Variants in MAP3K4 observed in about 807,000 individuals in gnomAD.
MAP3K4 encodes MAP three kinase 1.
A neutral mutation model predicts 185.6 loss-of-function variants in MAP3K4; 67 were observed. That is an observed-to-expected ratio of 0.36 (90% CI 0.30 to 0.44). The LOEUF (loss-of-function observed/expected upper bound fraction) is 0.44. MAP3K4 is among the 20% of genes least tolerant of loss of function. MAP3K4 has a pLI of 1.00. For missense variants in MAP3K4, 1,551 were observed against 1,995.1 expected, an observed-to-expected ratio of 0.78 and a Z score of 4.24; for synonymous variants, 702 against 710.4, an observed-to-expected ratio of 0.99 and a Z score of 0.19.
Position 161,066,031 on chromosome 6 carries a change from G to A in MAP3K4, c.1708-4577G>A, listed in dbSNP as rs551456247. On this transcript the variant is annotated intron_variant, in intron 3 of 26. Coordinates refer to ENST00000392142, the MANE Select transcript of MAP3K4 (RefSeq NM_005922.4). The stretch of plus-strand genomic sequence containing the variant: ...CAGTGCTCAAAAAGTTTTGGATTTT[G>A]GAGCATTTCAGATTTTGGGTTTTTG... Among the ~76,000 whole-genome samples the A allele has an allele frequency of 5.3e-5, 8 of 151,900 alleles. No homozygotes were observed. The East Asian group carries it at 1.6e-3, about 29-fold the overall frequency.
At chr6:160,998,490 G>A (rs1781109688) in intron 1 of MAP3K4, among the ~76,000 whole-genome samples, 2 of 152,178 alleles carry the variant, frequency 1.3e-5, no homozygotes, top group South Asian at 4.1e-4. Flanking sequence ...TGAAATTGAT[G>A]AGAGTCCATG....
chr6:160,995,643 A>G (rs761263839), intron 1 of MAP3K4, among the ~76,000 whole-genome samples: 48 of 152,248 alleles, frequency 3.2e-4, no homozygotes, highest in Admixed American at 1.4e-3. Flanking sequence ...AGAATTCATG[A>G]TAAGGATAGC....
chr6:161,029,290 T>A (rs1782812493), intron 1 of MAP3K4, among the ~76,000 whole-genome samples: 1 of 152,180 alleles, frequency 6.6e-6, no homozygotes, highest in African/African-American at 2.4e-5. Context: ...GAACCACAGA[T>A]GTTTTCAGAC....
Position 161,091,324 on chromosome 6 carries a change from G to A in MAP3K4, c.2974-55G>A. On this transcript the variant is annotated intron_variant, in intron 11 of 26. Coordinates refer to ENST00000392142, the MANE Select transcript of MAP3K4 (RefSeq NM_005922.4). The surrounding 1 kb of genome is among the most constrained non-coding windows in gnomAD (Gnocchi z 5.5). ...GAACGAAATCTTCCTTTAAAATGTGGTAAGTATTGTATGATTTGCTTCATT... is the reference window on the plus strand; with the variant it reads ...GAACGAAATCTTCCTTTAAAATGTGATAAGTATTGTATGATTTGCTTCATT... 1.4e-6 allele frequency: 2 copies of A among 1,436,774 alleles called. No individual in the cohort carries two copies. The highest frequency in any genetic ancestry group is 9.5e-7 in the Non-Finnish European group (1 of 1,052,308). 89.0% of individuals were successfully genotyped at this position (1,436,774 alleles called of 1,614,324 possible). A position where few individuals can be genotyped will look rare whatever the true frequency, so the allele number is the denominator to read the frequency against.
chr6:161,024,931 G>T (rs11757223), intron 1 of MAP3K4, among the ~76,000 whole-genome samples: 5,828 of 152,162 alleles, frequency 0.038, 150 homozygotes, highest in South Asian at 0.07. Flanking sequence ...ATGTATGTAT[G>T]TATGTACCTG....
In MAP3K4 at chr6:161,101,593, T is replaced by G. The variant is rs886846535; in HGVS notation, c.3675-299T>G. On this transcript the variant is annotated intron_variant, in intron 17 of 26. Coordinates refer to ENST00000392142, the MANE Select transcript of MAP3K4 (RefSeq NM_005922.4). The surrounding 1 kb of genome is among the most constrained non-coding windows in gnomAD (Gnocchi z 5.1). ...GGCTCGGGTGTTGGCTATGGAGAGA[T>G]GAAAATGGAGCCCTCCTTCCAGACT... is the stretch of plus-strand genomic sequence containing the variant. The G allele has an allele frequency of 4.6e-6, 1 of 219,452 alleles. No individual in the cohort carries two copies. The highest frequency in any genetic ancestry group is 8.9e-6 in the Non-Finnish European group (1 of 112,124). 13.6% of individuals were successfully genotyped at this position (219,452 alleles called of 1,614,324 possible).
chr6:161,014,162 T>A lies in MAP3K4; in HGVS notation c.153-20097T>A, dbSNP rs113562827. Among the ~76,000 whole-genome samples, 486 of 152,368 alleles carry A rather than the reference T, an allele frequency of 3.2e-3. 4 individuals carry two copies. Among genetic ancestry groups the A allele is most frequent in the African/African-American group, 0.011 (466 of 41,590 alleles). On this transcript the variant is annotated intron_variant, in intron 1 of 26. Coordinates refer to ENST00000392142, the MANE Select transcript of MAP3K4 (RefSeq NM_005922.4). ...CTGGTTCTTGGCACCTCTTCCTTTA[T>A]GCAAAATGCTCTCATTTTTTGAGAA...
At chr6:161,069,916 A>G (rs1418566791) in intron 3 of MAP3K4, among the ~76,000 whole-genome samples, 1 of 151,852 alleles carries the variant, frequency 6.6e-6, no homozygotes, top group Admixed American at 6.6e-5. Flanking sequence ...TGCTCCCAAC[A>G]TTCCAGATCC....
At chr6:161,026,733 CTTTTT>C (rs553664182) in intron 1 of MAP3K4, among the ~76,000 whole-genome samples, 2 of 96,100 alleles carry the variant, frequency 2.1e-5, no homozygotes, top group South Asian at 3.3e-4. Context: ...GTTCTCTCTC[CTTTTT>C]TTTTTTTTTT....
In MAP3K4 at chr6:161,070,966, G is replaced by A; in HGVS notation, c.1950+116G>A. 1 of 987,404 alleles carries A rather than the reference G, an allele frequency of 1.0e-6. No homozygotes were observed. 61.2% of individuals were successfully genotyped at this position (987,404 alleles called of 1,614,324 possible). A position where few individuals can be genotyped will look rare whatever the true frequency, so the allele number is the denominator to read the frequency against. On this transcript the variant is annotated intron_variant, in intron 4 of 26. Coordinates refer to ENST00000392142, the MANE Select transcript of MAP3K4 (RefSeq NM_005922.4). The surrounding 1 kb of genome is among the most constrained non-coding windows in gnomAD (Gnocchi z 4.5). The stretch of plus-strand genomic sequence containing the variant: ...TTAATTGTCGCAAATAGTGAAAAAT[G>A]ACTGTTTGTCCATGGTTTTAAGCTG...
Position 161,054,022 on chromosome 6 carries a change from AAAG to A in MAP3K4, c.1707+4049_1707+4051del, listed in dbSNP as rs1185378165. Among the ~76,000 whole-genome samples the A allele has an allele frequency of 1.8e-4, 27 of 152,334 alleles. No individual in the cohort carries two copies. The highest frequency in any genetic ancestry group is 5.2e-4 in the Admixed American group (8 of 15,306). ...GAATATAGGTGAAGGATTTTGTAGA[AAAG>A]AAGAAATACACGTGATGTTTGATTT... On this transcript the variant is annotated intron_variant, in intron 3 of 26. Coordinates refer to ENST00000392142, the MANE Select transcript of MAP3K4 (RefSeq NM_005922.4). This position sits in a 1 kb window ranked among gnomAD's most constrained non-coding sequence, Gnocchi z 4.2.
Position 161,105,677 on chromosome 6 carries a change from A to G in MAP3K4, c.3857-837A>G, listed in dbSNP as rs138654117. On this transcript the variant is annotated intron_variant, in intron 19 of 26. Coordinates refer to ENST00000392142, the MANE Select transcript of MAP3K4 (RefSeq NM_005922.4). The stretch of plus-strand genomic sequence containing the variant: ...AGGCAGAGGGAAAGGTGTAAAAGTA[A>G]TGGAAGTGAAAAGTAAAGTAGTTTG... Among the ~76,000 whole-genome samples the G allele has an allele frequency of 1.3e-4, 20 of 152,334 alleles. No homozygotes were observed. In the East Asian group the frequency reaches 3.7e-3, roughly 28 times the overall value.
At chr6:161,009,917 C>G (rs1467570330) in intron 1 of MAP3K4, among the ~76,000 whole-genome samples, 4 of 152,030 alleles carry the variant, frequency 2.6e-5, no homozygotes, top group African/African-American at 9.7e-5. Flanking sequence ...GCATGCTGGG[C>G]TTAATACCTA....
Position 161,007,801 on chromosome 6 carries a change from G to A in MAP3K4, c.152+15718G>A, listed in dbSNP as rs1172803826. On this transcript the variant is annotated intron_variant, in intron 1 of 26. Transcript: ENST00000392142. The surrounding 1 kb of genome is among the most constrained non-coding windows in gnomAD (Gnocchi z 4.5). Reference sequence around the variant, plus strand: ...AGTAATGTTTCATCAAACATAAAAGGCTGTCAATTGTAATATGCAGCATAA... The same window carrying A: ...AGTAATGTTTCATCAAACATAAAAGACTGTCAATTGTAATATGCAGCATAA... Among the ~76,000 whole-genome samples, 3 of 152,084 alleles carry A rather than the reference G, an allele frequency of 2.0e-5. No homozygotes were observed. The highest frequency in any genetic ancestry group is 7.2e-5 in the African/African-American group (3 of 41,422).
chr6:160,996,305 C>G lies in MAP3K4; in HGVS notation c.152+4222C>G, dbSNP rs764297204. Among the ~76,000 whole-genome samples, 7 of 152,174 alleles carry G rather than the reference C, an allele frequency of 4.6e-5. No individual in the cohort carries two copies. The highest frequency in any genetic ancestry group is 2.0e-4 in the Admixed American group (3 of 15,288). On this transcript the variant is annotated intron_variant, in intron 1 of 26. Coordinates refer to ENST00000392142, the MANE Select transcript of MAP3K4 (RefSeq NM_005922.4). This position sits in a 1 kb window ranked among gnomAD's most constrained non-coding sequence, Gnocchi z 4.5. ...GAAACTTCATGTTTTCAACTGGGGA[C>G]TTGTCACTTAGGAGGACTTTGTAGT... is the stretch of plus-strand genomic sequence containing the variant.
rs567389587 is a variant in MAP3K4 at position 161,019,745 on chromosome 6, T to G, written c.153-14514T>G. Among the ~76,000 whole-genome samples the G allele has an allele frequency of 2.6e-5, 4 of 152,300 alleles. No homozygotes were observed. The East Asian group carries it at 5.8e-4, about 22-fold the overall frequency. On this transcript the variant is annotated intron_variant, in intron 1 of 26. Transcript: ENST00000392142. ...CAGAAGGCTTTTTTATTGTGTTTAG[T>G]CGTAACCTTGATTATGAACCATTTA...
Position 161,053,133 on chromosome 6 carries a change from C to T in MAP3K4, c.1707+3154C>T, listed in dbSNP as rs1242461550. Among the ~76,000 whole-genome samples the T allele has an allele frequency of 1.3e-5, 2 of 152,190 alleles. No homozygotes were observed. Among genetic ancestry groups the T allele is most frequent in the Non-Finnish European group, 2.9e-5 (2 of 68,030 alleles). On this transcript the variant is annotated intron_variant, in intron 3 of 26. Coordinates refer to ENST00000392142, the MANE Select transcript of MAP3K4 (RefSeq NM_005922.4). The surrounding 1 kb of genome is among the most constrained non-coding windows in gnomAD (Gnocchi z 4.2). Reference sequence around the variant, plus strand: ...TAGGAAGCATGGCAGGCAACATCAGCTTCTGGGGAGGCCTCAGGGAGCTAT... The same window carrying T: ...TAGGAAGCATGGCAGGCAACATCAGTTTCTGGGGAGGCCTCAGGGAGCTAT...
At position 161,092,049 on chromosome 6, in the gene MAP3K4, A is replaced by C; in HGVS notation, c.3175A>C (p.Arg1059=). 6.2e-7 allele frequency: 1 copy of C among 1,613,534 alleles called. No individual in the cohort carries two copies. The highest frequency in any genetic ancestry group is 8.5e-7 in the Non-Finnish European group (1 of 1,179,486). The part of the protein sequence containing the change: ...EVVRLMSGEF[R]QKIGDKYISF... ...TGTTCGTTTGATGTCTGGGGAGTTTAGACAGAAGATAGGAGACAAATATAT... is the reference window on the plus strand; with the variant it reads ...TGTTCGTTTGATGTCTGGGGAGTTTCGACAGAAGATAGGAGACAAATATAT... The change falls in exon 13 of 27, where the codon AGA becomes CGA. Residue 1059 remains arginine, a synonymous_variant. Transcript: ENST00000392142.
rs963514067 is a variant in MAP3K4, at chr6:161,091,508, G to A, written c.3103G>A (p.Ala1035Thr). The A allele has an allele frequency of 6.2e-7, 1 of 1,613,624 alleles. No individual in the cohort carries two copies. The highest frequency in any genetic ancestry group is 1.3e-5 in the African/African-American group (1 of 74,990). Residue 1035 changes from alanine to threonine, a missense_variant, in exon 12 of 27, where the codon GCA (alanine) becomes ACA (threonine). Around this residue, in one of 16 missense-constraint regions of MAP3K4, gnomAD observed 261 missense variants for 306.5 expected, o/e 0.85. Coordinates refer to ENST00000392142, the MANE Select transcript of MAP3K4 (RefSeq NM_005922.4). The surrounding 1 kb of genome is among the most constrained non-coding windows in gnomAD (Gnocchi z 5.5). ...SVTLQQYYRE[A>T]MIQGYNFGFE... ...CACCTTGCAACAGTACTACCGAGAA[G>A]CAATGATTCAGGGGTACAATTTTGG... is the stretch of plus-strand genomic sequence containing the variant.
Sources: gnomAD v4.1 joint callset for allele counts (sites outside exome capture counted in the v4.1 genomes callset) on GRCh38, gnomAD v4.1.1 for gene constraint, gnomAD v4.1.1 regional missense constraint, Gnocchi (gnomAD v3.1) non-coding constraint, MANE v1.5 for transcripts, NCBI Gene and HGNC (gene_info 2026-07-23, HGNC 2026-07-21) for gene names.